Variants in WWOX observed in about 807,000 individuals in gnomAD.
WWOX encodes WW domain-containing oxidoreductase.
A neutral mutation model predicts 46.2 loss-of-function variants in WWOX; 69 were observed. That is an observed-to-expected ratio of 1.49 (90% CI 1.23 to 1.82). The LOEUF (loss-of-function observed/expected upper bound fraction) is 1.82. WWOX is among the 40% of genes most tolerant of loss of function. The pLI is 0.00. For missense variants in WWOX, 919 were observed against 542.6 expected, an observed-to-expected ratio of 1.69 and a Z score of -6.89; for synonymous variants, 359 against 202.6, an observed-to-expected ratio of 1.77 and a Z score of -6.56.
At chr16:78,736,654 G>A (rs1045536214) in intron 8 of WWOX, among the ~76,000 whole-genome samples, 1 of 152,096 alleles carries the variant, frequency 6.6e-6, no homozygotes, top group African/African-American at 2.4e-5. Context: ...CTACAGTGCA[G>A]TTGCGTGATA....
intron 8 of WWOX, among the ~76,000 whole-genome samples, chr16:78,770,287 G>A (rs542883243): frequency 6.6e-6 from 1 of 152,096 alleles, no homozygotes; most frequent in Non-Finnish European, 1.5e-5. Context: ...GGAGCCAGCG[G>A]TTGCAGTGAG....
intron 8 of WWOX, chr16:78,898,872 C>G (rs1203619518): frequency 1.3e-5 from 2 of 152,058 alleles, no homozygotes; most frequent in Admixed American, 6.6e-5. Flanking sequence ...TTTTTTTATG[C>G]TATTGTAAAT....
chr16:78,944,491 C>A (rs1398921053), intron 8 of WWOX, among the ~76,000 whole-genome samples: 1 of 152,118 alleles, frequency 6.6e-6, no homozygotes, highest in Non-Finnish European at 1.5e-5. Context: ...AAAACTGGTC[C>A]TCAAGATACA....
intron 3 of WWOX, among the ~76,000 whole-genome samples, chr16:78,113,111 C>T (rs533464449): frequency 6.6e-6 from 1 of 152,184 alleles, no homozygotes; most frequent in Non-Finnish European, 1.5e-5. Flanking sequence ...ATTAATCAAC[C>T]AAGAGCAGCA....
At chr16:78,222,360 A>AG (rs1555505158) in intron 5 of WWOX, among the ~76,000 whole-genome samples, 2 of 148,826 alleles carry the variant, frequency 1.3e-5, no homozygotes, top group Non-Finnish European at 3.0e-5. Flanking sequence ...AAAAAAAAAA[A>AG]GGAGAAGTCC....
At chr16:79,115,999 C>A (rs1310787810) in intron 8 of WWOX, among the ~76,000 whole-genome samples, 1 of 152,166 alleles carries the variant, frequency 6.6e-6, no homozygotes, top group African/African-American at 2.4e-5. Context: ...TTTGGAGTTT[C>A]CCAGTGCATA....
intron 8 of WWOX, among the ~76,000 whole-genome samples, chr16:78,502,321 C>T (rs911278991): frequency 6.6e-5 from 10 of 152,174 alleles, no homozygotes; most frequent in African/African-American, 2.4e-4. Context: ...AAAATGACCC[C>T]TTAGTCATCA....
chr16:78,440,581 A>G (rs1374190562), intron 8 of WWOX, among the ~76,000 whole-genome samples: 1 of 151,866 alleles, frequency 6.6e-6, no homozygotes, highest in Non-Finnish European at 1.5e-5. Context: ...AACATTGAAC[A>G]CAACTGCAGT....
intron 5 of WWOX, among the ~76,000 whole-genome samples, chr16:78,343,042 T>C (rs530146521): frequency 8.2e-6 from 1 of 121,558 alleles, no homozygotes; most frequent in South Asian, 2.5e-4. Flanking sequence ...ACGTGAACCA[T>C]GGCCATCCAG....
At chr16:78,562,855 A>G (rs980835158) in intron 8 of WWOX, among the ~76,000 whole-genome samples, 1 of 152,206 alleles carries the variant, frequency 6.6e-6, no homozygotes, top group Non-Finnish European at 1.5e-5. Flanking sequence ...ATCACATCCC[A>G]TAGCTGAGCG....
intron 8 of WWOX, among the ~76,000 whole-genome samples, chr16:79,196,083 A>G (rs2051234166): frequency 6.6e-6 from 1 of 152,204 alleles, no homozygotes; most frequent in Non-Finnish European, 1.5e-5. Flanking sequence ...AGGAAGTACC[A>G]AAGCCAAAAG....
At chr16:78,106,133 G>C (rs572584743) in intron 1 of WWOX, among the ~76,000 whole-genome samples, 8 of 152,260 alleles carry the variant, frequency 5.3e-5, no homozygotes, top group African/African-American at 1.9e-4. Flanking sequence ...AGAGTTTTTT[G>C]GAGCCAGGCT....
chr16:79,043,258 T>A (rs554934144), intron 8 of WWOX, among the ~76,000 whole-genome samples: 42 of 152,274 alleles, frequency 2.8e-4, no homozygotes, highest in Middle Eastern at 3.4e-3. Context: ...AACTTTACAA[T>A]GAACTTCGTG....
intron 8 of WWOX, among the ~76,000 whole-genome samples, chr16:78,445,695 G>A (rs569391472): frequency 7.2e-5 from 11 of 152,148 alleles, no homozygotes; most frequent in Non-Finnish European, 1.3e-4. Flanking sequence ...TAGCTAACAC[G>A]GTGAAACCCT....
chr16:78,749,946 C>T (rs1179121323), intron 8 of WWOX, among the ~76,000 whole-genome samples: 1 of 152,166 alleles, frequency 6.6e-6, no homozygotes, highest in Non-Finnish European at 1.5e-5. Context: ...AAGTCTTGCA[C>T]TGTTTACAAG....
chr16:78,688,445 A>G (rs1461492406), intron 8 of WWOX, among the ~76,000 whole-genome samples: 2 of 151,274 alleles, frequency 1.3e-5, no homozygotes, highest in Non-Finnish European at 2.9e-5. Context: ...ACTTCTTTCT[A>G]TTTTTCCTCT....
At chr16:78,318,022 G>A (rs1437819322) in intron 5 of WWOX, among the ~76,000 whole-genome samples, 1 of 152,128 alleles carries the variant, frequency 6.6e-6, no homozygotes, top group Non-Finnish European at 1.5e-5. Flanking sequence ...TTGGACCGCT[G>A]CCTGCTTCTA....
intron 8 of WWOX, among the ~76,000 whole-genome samples, chr16:78,957,776 T>G (rs1017082126): frequency 6.6e-6 from 1 of 152,222 alleles, no homozygotes; most frequent in African/African-American, 2.4e-5. Context: ...AACAAAAGAA[T>G]TAGGACTCTC....
At chr16:78,888,421 T>C (rs1311953485) in intron 8 of WWOX, among the ~76,000 whole-genome samples, 2 of 152,196 alleles carry the variant, frequency 1.3e-5, no homozygotes, top group Non-Finnish European at 2.9e-5. Flanking sequence ...TCCTATTCTT[T>C]TTGTAGTTGT....
Sources: gnomAD v4.1 joint callset for allele counts (sites outside exome capture counted in the v4.1 genomes callset) on GRCh38, gnomAD v4.1.1 for gene constraint, MANE v1.5 for transcripts, NCBI Gene and HGNC (gene_info 2026-07-23, HGNC 2026-07-21) for gene names.